Variants in CTNNA3 observed in about 807,000 individuals in gnomAD.
CTNNA3 encodes catenin alpha 3, also known as catenin alpha-3.
Under a neutral mutation model 95.7 loss-of-function variants are expected in CTNNA3, and 76 were observed. That is an observed-to-expected ratio of 0.79 (90% confidence interval 0.66 to 0.96). The LOEUF (loss-of-function observed/expected upper bound fraction) is 0.96, where lower values mean the gene tolerates loss of function less well. CTNNA3 is among the 40% of genes least tolerant of loss of function. The pLI is 0.00. For synonymous variants in CTNNA3, 431 were observed against 374.4 expected, an observed-to-expected ratio of 1.15 and a Z score of -1.74; for missense variants, 1,191 against 1,089.8, an observed-to-expected ratio of 1.09 and a Z score of -1.31.
chr10:67,509,582 A>T (rs1054191357), intron 5 of CTNNA3, among the ~76,000 whole-genome samples: 18 of 152,150 alleles, frequency 1.2e-4, no homozygotes, highest in African/African-American at 4.3e-4. Context: ...TTCTTAATCC[A>T]GTCTATCACT....
chr10:66,406,276 T>C (rs1426631426), intron 11 of CTNNA3, among the ~76,000 whole-genome samples: 1 of 152,178 alleles, frequency 6.6e-6, no homozygotes, highest in Non-Finnish European at 1.5e-5. Flanking sequence ...GAAGTGATGA[T>C]TGAGATTCTT....
At chr10:66,109,501 A>G (rs1402804210) in intron 13 of CTNNA3, among the ~76,000 whole-genome samples, 2 of 152,200 alleles carry the variant, frequency 1.3e-5, no homozygotes, top group Admixed American at 6.6e-5. Flanking sequence ...TATCCCCTGG[A>G]AATTTGGAGG....
At chr10:66,471,340 AC>A (rs1325644981) in intron 11 of CTNNA3, among the ~76,000 whole-genome samples, 1 of 151,874 alleles carries the variant, frequency 6.6e-6, no homozygotes, top group African/African-American at 2.4e-5. Flanking sequence ...CATAAAGAAT[AC>A]AGCTATAGTA....
Position 67,252,173 on chromosome 10 carries a change from T to C in CTNNA3, c.580-32303A>G, listed in dbSNP as rs1049117611. Among the ~76,000 whole-genome samples, 13 of 147,800 alleles carry C rather than the reference T, an allele frequency of 8.8e-5. No individual in the cohort carries two copies. The East Asian group carries it at 2.0e-3, about 23-fold the overall frequency. Reference sequence around the variant, plus strand: ...TTGCAGTGAGCAGAGATTGTGCCACTGCCCTCTAACTTGGGCAACAGAGCA... The same window carrying C: ...TTGCAGTGAGCAGAGATTGTGCCACCGCCCTCTAACTTGGGCAACAGAGCA... On this transcript the variant is annotated intron_variant, in intron 5 of 17. Coordinates refer to ENST00000433211, the MANE Select transcript of CTNNA3 (RefSeq NM_013266.4).
chr10:66,807,267 G>A (rs909128219), intron 7 of CTNNA3, among the ~76,000 whole-genome samples: 5 of 152,078 alleles, frequency 3.3e-5, no homozygotes, highest in African/African-American at 9.7e-5. Context: ...CTTGGATCCA[G>A]AGATACCTGA....
At chr10:67,476,695 A>G (rs1055256770) in intron 5 of CTNNA3, among the ~76,000 whole-genome samples, 6 of 149,772 alleles carry the variant, frequency 4.0e-5, no homozygotes, top group Non-Finnish European at 1.5e-5. Flanking sequence ...TGGAGAACCC[A>G]CTCACCCAGA....
At chr10:67,165,496 C>T (rs1405335352) in intron 7 of CTNNA3, among the ~76,000 whole-genome samples, 2 of 152,102 alleles carry the variant, frequency 1.3e-5, no homozygotes, top group South Asian at 2.1e-4. Flanking sequence ...AAACTATATA[C>T]ATAATTTATG....
chr10:67,674,873 T>C (rs1840506966), intron 1 of CTNNA3, among the ~76,000 whole-genome samples: 1 of 152,132 alleles, frequency 6.6e-6, no homozygotes, highest in Non-Finnish European at 1.5e-5. Flanking sequence ...CTTGAAAATA[T>C]CCTCTCCCTG....
intron 3 of CTNNA3, among the ~76,000 whole-genome samples, chr10:67,576,146 G>C (rs1564752432): frequency 6.6e-6 from 1 of 152,124 alleles, no homozygotes. Context: ...TTCTTAAGCA[G>C]CCAAGTGTTA....
chr10:67,712,141 C>T (rs1841114968), intron 1 of CTNNA3, among the ~76,000 whole-genome samples: 1 of 152,142 alleles, frequency 6.6e-6, no homozygotes, highest in African/African-American at 2.4e-5. Context: ...ACCCAAATGT[C>T]CAACAATGAT....
At chr10:67,306,986 A>G (rs1840579016) in intron 5 of CTNNA3, among the ~76,000 whole-genome samples, 1 of 152,184 alleles carries the variant, frequency 6.6e-6, no homozygotes, top group Non-Finnish European at 1.5e-5. Context: ...AGAGCAGGAG[A>G]TAAAAAGGAA....
rs185631135 is a variant in CTNNA3, at chr10:65,916,093, C to G, written c.*4237G>C. On this transcript the variant is annotated 3_prime_UTR_variant, in exon 18 of 18. Coordinates refer to ENST00000433211, the MANE Select transcript of CTNNA3 (RefSeq NM_013266.4). The stretch of plus-strand genomic sequence containing the variant: ...TAAAATGGAAAATACTAATGCTGAA[C>G]ATATCATAATGGTATGGGAAAAGAG... The G allele has an allele frequency of 1.3e-5, 2 of 151,890 alleles. No individual in the cohort carries two copies. The highest frequency in any genetic ancestry group is 3.9e-4 in the East Asian group (2 of 5,174). The allele number at this position is 151,890 out of a possible 1,614,324, so 9.4% of individuals were successfully genotyped here.
At chr10:67,688,505 C>G (rs1351334158) in intron 1 of CTNNA3, among the ~76,000 whole-genome samples, 1 of 152,150 alleles carries the variant, frequency 6.6e-6, no homozygotes, top group Non-Finnish European at 1.5e-5. Flanking sequence ...ATTTGCCTTC[C>G]TTCTTACAGA....
At chr10:67,034,034 C>T (rs900685413) in intron 7 of CTNNA3, among the ~76,000 whole-genome samples, 6 of 152,096 alleles carry the variant, frequency 3.9e-5, no homozygotes, top group Non-Finnish European at 5.9e-5. Context: ...GGCCTTCCAA[C>T]GTGCTGAGAC....
intron 9 of CTNNA3, among the ~76,000 whole-genome samples, chr10:66,725,194 C>T (rs1848742772): frequency 6.6e-6 from 1 of 152,146 alleles, no homozygotes; most frequent in Non-Finnish European, 1.5e-5. Flanking sequence ...GACCTAACCA[C>T]ATTTTTCATC....
At chr10:66,538,291 C>T (rs969332648) in intron 10 of CTNNA3, among the ~76,000 whole-genome samples, 1 of 152,112 alleles carries the variant, frequency 6.6e-6, no homozygotes, top group Admixed American at 6.6e-5. Context: ...CAACAGAAGC[C>T]TCTATTCTAG....
At chr10:67,654,426 T>C (rs1839963095) in intron 1 of CTNNA3, among the ~76,000 whole-genome samples, 1 of 152,152 alleles carries the variant, frequency 6.6e-6, no homozygotes, top group Admixed American at 6.5e-5. Context: ...TCTTTCATTG[T>C]TTCCTCAATA....
At chr10:66,362,572 G>C (rs766977103) in intron 12 of CTNNA3, among the ~76,000 whole-genome samples, 4 of 151,918 alleles carry the variant, frequency 2.6e-5, no homozygotes, top group African/African-American at 9.7e-5. Context: ...AATTAGCCGG[G>C]TGTGGTGGTG....
intron 7 of CTNNA3, among the ~76,000 whole-genome samples, chr10:66,845,729 A>AAAAAAAAAAC (rs1297933220): frequency 4.6e-5 from 4 of 87,764 alleles, no homozygotes; most frequent in South Asian, 7.9e-4. Flanking sequence ...AAAAAAAAAA[A>AAAAAAAAAAC]CTAAAAAGGT....
Sources: gnomAD v4.1 joint callset for allele counts (sites outside exome capture counted in the v4.1 genomes callset) on GRCh38, gnomAD v4.1.1 for gene constraint, MANE v1.5 for transcripts, NCBI Gene and HGNC (gene_info 2026-07-23, HGNC 2026-07-21) for gene names.